GPBP1L1: variants seen among roughly 807,000 people sequenced by gnomAD.
The protein encoded by GPBP1L1 is vasculin-like protein 1.
A neutral mutation model predicts 52.5 loss-of-function variants in GPBP1L1; 23 were observed. That is an observed-to-expected ratio of 0.44 (90% CI 0.32 to 0.62). The LOEUF (loss-of-function observed/expected upper bound fraction) is 0.62. Ranked by LOEUF, GPBP1L1 falls within the 20% of genes least tolerant of loss-of-function variation. GPBP1L1 has a pLI of 0.06. For synonymous variants in GPBP1L1, 243 were observed against 203.1 expected, an observed-to-expected ratio of 1.20 and a Z score of -1.67; for missense variants, 596 against 579.3, an observed-to-expected ratio of 1.03 and a Z score of -0.30.
chr1:45,680,836 T>C (rs1236354692), intron 2 of GPBP1L1, among the ~76,000 whole-genome samples: 1 of 152,052 alleles, frequency 6.6e-6, no homozygotes, highest in East Asian at 1.9e-4. Context: ...AAAAGAATAG[T>C]GCCTAGCCTA....
intron 2 of GPBP1L1, among the ~76,000 whole-genome samples, chr1:45,684,375 A>G (rs1645253700): frequency 6.6e-6 from 1 of 152,170 alleles, no homozygotes; most frequent in Non-Finnish European, 1.5e-5. Flanking sequence ...TAGCCATAAA[A>G]TAAAGATATG....
At chr1:45,668,333 C>T (rs186041121) in intron 2 of GPBP1L1, among the ~76,000 whole-genome samples, 147 of 152,136 alleles carry the variant, frequency 9.7e-4, no homozygotes, top group African/African-American at 3.3e-3. Context: ...TTTTTAAGTA[C>T]CTAATAAATT....
chr1:45,681,460 G>A (rs1375546469), intron 2 of GPBP1L1, among the ~76,000 whole-genome samples: 1 of 152,100 alleles, frequency 6.6e-6, no homozygotes, highest in Non-Finnish European at 1.5e-5. Context: ...ATTTAAAATG[G>A]CAGCCAATTG....
Position 45,660,484 on chromosome 1 carries a change from T to C in GPBP1L1, c.-356A>G, listed in dbSNP as rs192673991. On this transcript the variant is annotated 5_prime_UTR_variant, in exon 3 of 13. The change creates a new upstream start codon in the 5' untranslated region. Coordinates refer to ENST00000355105, the MANE Select transcript of GPBP1L1 (RefSeq NM_021639.5). Reference sequence around the variant, plus strand: ...GGGGGGAAGGGGAAAGAGCTGTATCTATGTTCACCTCATTCAACTTCCTTG... The same window carrying C: ...GGGGGGAAGGGGAAAGAGCTGTATCCATGTTCACCTCATTCAACTTCCTTG... The C allele has an allele frequency of 2.6e-5, 26 of 982,128 alleles. No individual in the cohort carries two copies. The African/African-American group carries it at 3.8e-4, about 15-fold the overall frequency. The allele number at this position is 982,128 out of a possible 1,614,324, so 60.8% of individuals were successfully genotyped here.
chr1:45,650,446 CTA>C (rs1352800869), intron 6 of GPBP1L1, among the ~76,000 whole-genome samples: 1 of 152,162 alleles, frequency 6.6e-6, no homozygotes, highest in African/African-American at 2.4e-5. Flanking sequence ...AAACAAAAAC[CTA>C]TCTGTCAAGG....
chr1:45,629,462 C>CT lies in GPBP1L1; in HGVS notation c.1272+113_1272+114insA, dbSNP rs1454496055. 8.0e-5 allele frequency: 11 copies of CT among 138,156 alleles called. 1 individual carries two copies. In the South Asian group the frequency reaches 9.0e-4, roughly 11 times the overall value. The allele number at this position is 138,156 out of a possible 1,614,324, so 8.6% of individuals were successfully genotyped here. ...CATTTCTACTAAGGTAATCCCCCCC[C>CT]CCCCCACCCGATCTTTCTCTCACAT... On this transcript the variant is annotated intron_variant, in intron 12 of 12. Transcript: ENST00000355105.
chr1:45,631,246 ATTTATTTATTTG>A (rs1294726713), intron 10 of GPBP1L1, among the ~76,000 whole-genome samples: 2 of 152,106 alleles, frequency 1.3e-5, no homozygotes, highest in Non-Finnish European at 2.9e-5. Flanking sequence ...ACATTTATTT[ATTTATTTATTTG>A]TTTATTTACT....
intron 9 of GPBP1L1, 186 bp downstream of exon 9, chr1:45,633,910 C>T (rs1437641993): frequency 2.9e-6 from 2 of 692,808 alleles, no homozygotes; most frequent in Non-Finnish European, 4.7e-6. Flanking sequence ...TGGTCCACCA[C>T]AGAGCATCTA....
chr1:45,650,835 C>T lies in GPBP1L1; in HGVS notation c.477+3708G>A, dbSNP rs116694717. Among the ~76,000 whole-genome samples, 591 of 152,328 alleles carry T rather than the reference C, an allele frequency of 3.9e-3. 1 individual carries two copies. Among genetic ancestry groups the T allele is most frequent in the African/African-American group, 0.012 (504 of 41,578 alleles). On this transcript the variant is annotated intron_variant, in intron 6 of 12. Transcript: ENST00000355105. ...TATCCACAAACCTCAACTATTATCTCTATTTTCAAGTGCACTTCTCTAGAC... is the reference window on the plus strand; with the variant it reads ...TATCCACAAACCTCAACTATTATCTTTATTTTCAAGTGCACTTCTCTAGAC...
At chr1:45,635,285 G>A (rs1183844180) in intron 8 of GPBP1L1, 2 of 152,046 alleles carry the variant, frequency 1.3e-5, no homozygotes, top group East Asian at 3.9e-4. Flanking sequence ...CCTCCACAAA[G>A]AACAAGCAAG....
upstream of GPBP1L1, chr1:45,687,071 G>A (rs1178440134): frequency 1.3e-5 from 2 of 152,210 alleles, no homozygotes; most frequent in African/African-American, 2.4e-5. Flanking sequence ...CTTACTTCTC[G>A]TGTGCGCGTC....
In GPBP1L1 at chr1:45,634,221, C is replaced by G. The variant is rs765287949; in HGVS notation, c.760G>C (p.Ala254Pro). The change falls in exon 9 of 13, where the codon GCT (alanine) becomes CCT (proline). Residue 254 changes from alanine (A) to proline (P), a missense_variant. Ala to Pro is a conservative substitution (Grantham distance 27, BLOSUM62 -1). Transcript: ENST00000355105. ...CCTGACTTGTGCTCCATCCTGTTAG[C>G]TTTCCATGCATTAGGCTACACAGGG... ...PPPSKPNAWK[A>P]NRMEHKSGSL... 1 of 1,612,918 alleles carries G rather than the reference C, an allele frequency of 6.2e-7. No individual in the cohort carries two copies. The highest frequency in any genetic ancestry group is 1.1e-5 in the South Asian group (1 of 90,952).
At chr1:45,640,739 T>C (rs763534382) in intron 7 of GPBP1L1, among the ~76,000 whole-genome samples, 1 of 152,206 alleles carries the variant, frequency 6.6e-6, no homozygotes, top group African/African-American at 2.4e-5. Context: ...CCAGGCACTG[T>C]GGCTCATGCC....
chr1:45,630,955 G>A (rs750017664), intron 10 of GPBP1L1, among the ~76,000 whole-genome samples: 43 of 152,192 alleles, frequency 2.8e-4, no homozygotes, highest in African/African-American at 7.0e-4. Flanking sequence ...GGTACTGGCA[G>A]AAGATGACAC....
intron 2 of GPBP1L1, among the ~76,000 whole-genome samples, chr1:45,671,418 C>T (rs1645072823): frequency 6.6e-6 from 1 of 151,960 alleles, no homozygotes; most frequent in Non-Finnish European, 1.5e-5. Context: ...CCATGTTGGC[C>T]AAGCTGGTCT....
At chr1:45,640,884 G>A (rs1644662976) in intron 7 of GPBP1L1, among the ~76,000 whole-genome samples, 1 of 152,092 alleles carries the variant, frequency 6.6e-6, no homozygotes, top group South Asian at 2.1e-4. Flanking sequence ...CAGGCATGGT[G>A]GTGCACACCT....
At chr1:45,664,878 C>T (rs1424290511) in intron 2 of GPBP1L1, among the ~76,000 whole-genome samples, 4 of 152,084 alleles carry the variant, frequency 2.6e-5, no homozygotes, top group Non-Finnish European at 5.9e-5. Context: ...AGAGTTTCGC[C>T]ATGTTAGCCA....
chr1:45,652,101 T>G (rs1366725498), intron 6 of GPBP1L1, among the ~76,000 whole-genome samples: 1 of 152,216 alleles, frequency 6.6e-6, no homozygotes, highest in Non-Finnish European at 1.5e-5. Flanking sequence ...CCAGTGCGTT[T>G]TAAGTGTTTA....
intron 6 of GPBP1L1, among the ~76,000 whole-genome samples, chr1:45,653,085 T>C (rs1644838611): frequency 6.6e-6 from 1 of 152,190 alleles, no homozygotes; most frequent in Non-Finnish European, 1.5e-5. Context: ...CACCTGGGAA[T>C]AGGAATTCAC....
Sources: allele counts gnomAD v4.1 joint callset (sites outside exome capture counted in the v4.1 genomes callset), GRCh38; gene constraint gnomAD v4.1.1; transcripts MANE v1.5; gene names NCBI Gene and HGNC (gene_info 2026-07-23, HGNC 2026-07-21).